The following DMD variants were observed in gnomAD, a reference collection of about 807,000 sequenced individuals.
DMD encodes mutant dystrophin.
DMD carries 63 observed loss-of-function variants against 330.1 expected under a neutral mutation model. The ratio of observed to expected loss-of-function variants is 0.19; its 90% confidence interval spans 0.16 to 0.24. The LOEUF (loss-of-function observed/expected upper bound fraction) is 0.24, where lower values mean the gene tolerates loss of function less well. Among genes scored for constraint, DMD ranks in the 10% least tolerant of loss-of-function variants. The pLI is 1.00. For synonymous variants in DMD, 1,223 were observed against 959.8 expected, an observed-to-expected ratio of 1.27 and a Z score of -5.07; for missense variants, 3,344 against 2,684.1, an observed-to-expected ratio of 1.25 and a Z score of -5.43.
chrX:32,249,491 C>A (rs1204902137), intron 43 of DMD, among the ~76,000 whole-genome samples: 1 of 111,930 alleles, frequency 8.9e-6, no homozygotes, highest in Non-Finnish European at 1.9e-5. Context: ...CCAGGATACA[C>A]TGACAAGTAG....
At chrX:32,975,646 T>A (rs185979932) in intron 2 of DMD, among the ~76,000 whole-genome samples, 8 of 111,317 alleles carry the variant, frequency 7.2e-5, no homozygotes, top group African/African-American at 2.6e-4. Context: ...TTTGTTTTCC[T>A]GATGTACATG....
intron 77 of DMD, among the ~76,000 whole-genome samples, chrX:31,132,878 G>T (rs2034697884): frequency 9.1e-6 from 1 of 110,270 alleles, no homozygotes; most frequent in Non-Finnish European, 1.9e-5. Flanking sequence ...TGGGGGATGT[G>T]GAGGTGGGTG....
intron 7 of DMD, among the ~76,000 whole-genome samples, chrX:32,729,821 A>G (rs1383046991): frequency 8.9e-6 from 1 of 112,055 alleles, no homozygotes; most frequent in Non-Finnish European, 1.9e-5. Context: ...TTGTCTCAGC[A>G]GGGCATTCAA....
In DMD at chrX:32,844,681, G is replaced by A. The variant is rs1025305288; in HGVS notation, c.264+102C>T. ...CAGTAAGAACTGGTCTGATTTACAA[G>A]AGAATTTGAAATACTTTCTCTGCAT... On this transcript the variant is annotated intron_variant, in intron 4 of 78. Transcript: ENST00000357033. 2.7e-5 allele frequency: 19 copies of A among 700,813 alleles called. No homozygotes were observed. The African/African-American group carries it at 2.8e-4, about 10-fold the overall frequency. 57.8% of individuals were successfully genotyped at this position (700,813 alleles called of 1,213,427 possible). A position where few individuals can be genotyped will look rare whatever the true frequency, so the allele number is the denominator to read the frequency against.
At chrX:31,209,354 C>T (rs2044405485) in intron 65 of DMD, 144 bp downstream of exon 65, 1 of 605,221 alleles carries the variant, frequency 1.7e-6, no homozygotes, top group South Asian at 2.6e-5. Flanking sequence ...TTTTTCAAGT[C>T]ATAAATGCAA....
chrX:32,205,222 A>G (rs771579419), intron 44 of DMD, among the ~76,000 whole-genome samples: 54 of 99,856 alleles, frequency 5.4e-4, no homozygotes, highest in African/African-American at 1.9e-3. Flanking sequence ...AAATGAAATT[A>G]ACCAAAACAA....
chrX:32,730,328 A>G (rs1481642356), intron 7 of DMD, among the ~76,000 whole-genome samples: 1 of 112,362 alleles, frequency 8.9e-6, no homozygotes, highest in African/African-American at 3.2e-5. Context: ...CCTGGGCAAA[A>G]GAGTAATATC....
intron 26 of DMD, 21 bp downstream of exon 26, chrX:32,454,641 T>A: frequency 1.9e-6 from 2 of 1,075,750 alleles, no homozygotes; most frequent in Non-Finnish European, 2.5e-6. Context: ...TTTTACTTAG[T>A]TTTTCTTTTT....
At chrX:33,187,947 A>G (rs2050340240) in intron 1 of DMD, among the ~76,000 whole-genome samples, 1 of 111,214 alleles carries the variant, frequency 9.0e-6, no homozygotes, top group Admixed American at 9.6e-5. Flanking sequence ...GAAGCATTGT[A>G]AGGTACTACA....
chrX:32,557,172 T>G (rs951874711), intron 16 of DMD, among the ~76,000 whole-genome samples: 2 of 111,448 alleles, frequency 1.8e-5, no homozygotes, highest in African/African-American at 6.5e-5. Context: ...AGATAAAACT[T>G]TTTAGTAGCA....
intron 2 of DMD, among the ~76,000 whole-genome samples, chrX:32,940,132 G>C (rs746347892): frequency 9.0e-6 from 1 of 111,688 alleles, no homozygotes; most frequent in Non-Finnish European, 1.9e-5. Context: ...ATACTATAAG[G>C]CTACAGCAAC....
At chrX:32,024,445 C>T (rs2095830710) in intron 44 of DMD, among the ~76,000 whole-genome samples, 1 of 101,914 alleles carries the variant, frequency 9.8e-6, no homozygotes, top group African/African-American at 3.7e-5. Context: ...TGAGATTGCG[C>T]CACCTCACTC....
intron 55 of DMD, among the ~76,000 whole-genome samples, chrX:31,626,980 T>G (rs962261702): frequency 8.9e-6 from 1 of 111,792 alleles, no homozygotes; most frequent in African/African-American, 3.2e-5. Flanking sequence ...GAAAATTATA[T>G]CAGGTATTGA....
chrX:31,361,282 G>C (rs756775749), intron 60 of DMD, among the ~76,000 whole-genome samples: 1 of 111,436 alleles, frequency 9.0e-6, no homozygotes, highest in Non-Finnish European at 1.9e-5. Flanking sequence ...TGGAAAGTAT[G>C]ACAGTTGGGT....
At chrX:31,833,302 G>C (rs1366326986) in intron 49 of DMD, among the ~76,000 whole-genome samples, 10 of 32,423 alleles carry the variant, frequency 3.1e-4, no homozygotes, top group Admixed American at 2.7e-3. Context: ...GGGAGAGAGG[G>C]AGAGAGGGAG....
intron 27 of DMD, among the ~76,000 whole-genome samples, chrX:32,442,293 A>C (rs934370734): frequency 1.8e-5 from 2 of 111,303 alleles, no homozygotes; most frequent in Admixed American, 1.9e-4. Context: ...AACACATAAG[A>C]ATATGAAAAA....
At position 31,730,107 on chromosome X, in the gene DMD, T is replaced by C. The variant is rs141400428; in HGVS notation, c.7543-359A>G. On this transcript the variant is annotated intron_variant, in intron 51 of 78. Transcript: ENST00000357033. ...TAGATAACTATTTATACTTATAATATCATTCTGTGTGACGTCAAAATTAAG... is the reference window on the plus strand; with the variant it reads ...TAGATAACTATTTATACTTATAATACCATTCTGTGTGACGTCAAAATTAAG... Among the ~76,000 whole-genome samples the C allele has an allele frequency of 8.7e-3, 978 of 111,939 alleles. 6 individuals carry two copies. The highest frequency in any genetic ancestry group is 0.029 in the South Asian group (80 of 2,732).
chrX:32,978,576 T>C (rs1446512295), intron 2 of DMD, among the ~76,000 whole-genome samples: 3 of 111,616 alleles, frequency 2.7e-5, no homozygotes, highest in African/African-American at 9.8e-5. Context: ...CTCAAGTGAT[T>C]CCCCCACCTC....
chrX:31,216,797 G>A (rs2045453801), intron 64 of DMD, among the ~76,000 whole-genome samples: 1 of 111,659 alleles, frequency 9.0e-6, no homozygotes, highest in Admixed American at 9.5e-5. Flanking sequence ...TACAGAGAAG[G>A]CGGTGCATTT....
Sources: gnomAD v4.1 joint callset for allele counts (sites outside exome capture counted in the v4.1 genomes callset) on GRCh38, gnomAD v4.1.1 for gene constraint, MANE v1.5 for transcripts, NCBI Gene and HGNC (gene_info 2026-07-23, HGNC 2026-07-21) for gene names.